Variants in MTUS1 observed in about 807,000 individuals in gnomAD.
MTUS1 encodes the protein microtubule-associated tumor suppressor 1.
A neutral mutation model predicts 120.8 loss-of-function variants in MTUS1; 109 were observed. The ratio of observed to expected loss-of-function variants is 0.90; its 90% CI spans 0.77 to 1.06. The LOEUF (loss-of-function observed/expected upper bound fraction) is 1.06, where lower values mean the gene tolerates loss of function less well. Ranked by LOEUF, MTUS1 falls within the 50% of genes least tolerant of loss-of-function variation. The pLI is 0.00. For missense variants in MTUS1, 2,210 were observed against 1,486.3 expected, an observed-to-expected ratio of 1.49 and a Z score of -8.01; for synonymous variants, 737 against 550.5, an observed-to-expected ratio of 1.34 and a Z score of -4.74.
chr8:17,683,140 C>T (rs1345390540), intron 7 of MTUS1, among the ~76,000 whole-genome samples: 7 of 152,050 alleles, frequency 4.6e-5, no homozygotes, highest in African/African-American at 9.7e-5. Flanking sequence ...GGCGTGGTGG[C>T]GGGTGCCTGC....
At chr8:17,649,293 G>C (rs1310694899) in intron 13 of MTUS1, among the ~76,000 whole-genome samples, 2 of 152,106 alleles carry the variant, frequency 1.3e-5, no homozygotes, top group African/African-American at 2.4e-5. Flanking sequence ...CTGACCTCAA[G>C]TGACCCACCC....
chr8:17,714,962 G>T (rs1019936411), intron 5 of MTUS1, among the ~76,000 whole-genome samples: 1 of 131,724 alleles, frequency 7.6e-6, no homozygotes, highest in Non-Finnish European at 1.5e-5. Flanking sequence ...CGGGAGTGCA[G>T]TGGCGCGATC....
intron 1 of MTUS1, among the ~76,000 whole-genome samples, chr8:17,790,744 C>T (rs1586430160): frequency 6.6e-6 from 1 of 152,090 alleles, no homozygotes; most frequent in Non-Finnish European, 1.5e-5. Context: ...CCCAGCACTT[C>T]GGGAGGCCAA....
intron 13 of MTUS1, among the ~76,000 whole-genome samples, chr8:17,647,808 C>A (rs1806146249): frequency 6.6e-6 from 1 of 152,182 alleles, no homozygotes; most frequent in African/African-American, 2.4e-5. Context: ...ATTCCATCCC[C>A]CACTCACTTT....
In MTUS1 at chr8:17,740,111, G is replaced by A. The variant is rs565256984; in HGVS notation, c.2287+3493C>T. 2.0e-5 allele frequency among the ~76,000 whole-genome samples: 3 copies of A among 152,200 alleles called. No homozygotes were observed. The South Asian group carries it at 6.2e-4, about 32-fold the overall frequency. On this transcript the variant is annotated intron_variant, in intron 3 of 14. Transcript: ENST00000693296. The stretch of plus-strand genomic sequence containing the variant: ...AAATCCCAGCTACTCAGGAGGCTGA[G>A]GCAGCAGAATCGCTTGAACCCAGGA...
chr8:17,697,578 T>C, intron 6 of MTUS1: 1 of 1,349,916 alleles, frequency 7.4e-7, no homozygotes, highest in East Asian at 2.8e-5. Flanking sequence ...GCTTCCGTTT[T>C]CACTTTCAGA....
intron 6 of MTUS1, among the ~76,000 whole-genome samples, chr8:17,707,822 A>C (rs950348729): frequency 1.3e-5 from 2 of 152,198 alleles, no homozygotes; most frequent in Admixed American, 6.5e-5. Flanking sequence ...ATAAACCCTC[A>C]CATTCTTAAC....
chr8:17,749,464 G>A (rs1041017299), intron 2 of MTUS1, among the ~76,000 whole-genome samples: 4 of 151,844 alleles, frequency 2.6e-5, no homozygotes, highest in African/African-American at 9.7e-5. Flanking sequence ...TTCGAGACCG[G>A]CCTGGCCAAC....
intron 6 of MTUS1, among the ~76,000 whole-genome samples, chr8:17,698,839 A>T (rs1818478038): frequency 6.6e-6 from 1 of 152,196 alleles, no homozygotes; most frequent in Non-Finnish European, 1.5e-5. Context: ...CCTAGTTCAT[A>T]CACTGACGAA....
rs61733707 is a variant in MTUS1, at chr8:17,655,890, C to T, written c.3081G>A (p.Glu1027=). The part of the protein sequence containing the change: ...KLRDTYIEEA[E]KYKMQLQEQF... ...GCTCTTGCAATTGCATTTTGTACTT[C>T]TCTGCTTCTTCAATGTAAGTGTCCC... Residue 1027 remains glutamate (E), a synonymous_variant, in exon 9 of 15, where the codon GAG becomes GAA. Coordinates refer to ENST00000693296, the MANE Select transcript of MTUS1 (RefSeq NM_001363059.2). 14,429 of 1,614,218 alleles carry T rather than the reference C, an allele frequency of 8.9e-3. 92 individuals are homozygous for T. Among genetic ancestry groups the T allele is most frequent in the Middle Eastern group, 0.022 (132 of 6,062 alleles).
At chr8:17,785,362 A>G (rs2051218831) in intron 1 of MTUS1, among the ~76,000 whole-genome samples, 1 of 152,218 alleles carries the variant, frequency 6.6e-6, no homozygotes, top group Non-Finnish European at 1.5e-5. Flanking sequence ...CCAGAAGAAG[A>G]TAAAGCTTGA....
intron 1 of MTUS1, among the ~76,000 whole-genome samples, chr8:17,796,466 C>T (rs754072962): frequency 3.9e-5 from 6 of 152,182 alleles, no homozygotes; most frequent in Non-Finnish European, 7.3e-5. Flanking sequence ...CGACCTTGTT[C>T]ACACTCTAAA....
chr8:17,768,610 T>A (rs893012840), intron 1 of MTUS1, among the ~76,000 whole-genome samples: 2 of 152,106 alleles, frequency 1.3e-5, no homozygotes, highest in African/African-American at 4.8e-5. Flanking sequence ...CACATGAGGT[T>A]TGTATTTAAA....
intron 6 of MTUS1, chr8:17,697,601 G>T (rs1818242620): frequency 7.6e-7 from 1 of 1,313,410 alleles, no homozygotes; most frequent in Non-Finnish European, 9.7e-7. Flanking sequence ...TTGCCAAAAT[G>T]ATGCTCTTCC....
intron 4 of MTUS1, among the ~76,000 whole-genome samples, chr8:17,720,623 C>CT (rs2045762492): frequency 6.6e-6 from 1 of 152,184 alleles, no homozygotes; most frequent in Admixed American, 6.5e-5. Flanking sequence ...TTGGACCTTA[C>CT]TTTCCTGCTA....
In MTUS1 at chr8:17,655,939, T is replaced by G; in HGVS notation, c.3032A>C (p.Tyr1011Ser). ...CCGAAGCTTTTCATACTCCCTGGTGTAAAACTCTTTAAGCCGATTCTCTCG... is the reference window on the plus strand; with the variant it reads ...CCGAAGCTTTTCATACTCCCTGGTGGAAAACTCTTTAAGCCGATTCTCTCG... ...TERENRLKEFYTREYEKLRDT... is the reference protein window; with the variant it reads ...TERENRLKEFSTREYEKLRDT... Residue 1011 changes from tyrosine (Y) to serine (S), a missense_variant, in exon 9 of 15, where the codon TAC becomes TCC. By Grantham distance (144) the Tyr-to-Ser change is moderately radical (BLOSUM62 -2). Transcript: ENST00000693296. 2 of 1,614,226 alleles carry G rather than the reference T, an allele frequency of 1.2e-6. No individual in the cohort carries two copies. Among genetic ancestry groups the G allele is most frequent in the Non-Finnish European group, 1.7e-6 (2 of 1,180,034 alleles).
In MTUS1 at chr8:17,723,710, G is replaced by T. The variant is rs765021402; in HGVS notation, c.2411C>A (p.Ala804Asp). The T allele has an allele frequency of 8.7e-6, 14 of 1,610,670 alleles. No homozygotes were observed. Among genetic ancestry groups the T allele is most frequent in the Non-Finnish European group, 1.2e-5 (14 of 1,177,724 alleles). Residue 804 changes from alanine (A) to aspartate (D), a missense_variant, in exon 4 of 15, where the codon GCC becomes GAC. Transcript: ENST00000693296. ...AGTGCTCAGCTCACTGTGGGTGCTG[G>T]CTATTGAGGGGGTGCTTCCTGTCCT... ...LRRTGSTPSI[A>D]STHSELSTYS...
intron 8 of MTUS1, among the ~76,000 whole-genome samples, chr8:17,662,652 C>T (rs1810009430): frequency 6.6e-6 from 1 of 151,944 alleles, no homozygotes; most frequent in Non-Finnish European, 1.5e-5. Context: ...CTGTGCCTGG[C>T]CTCTGTTGTT....
At chr8:17,710,110 T>A (rs1414796875) in intron 6 of MTUS1, among the ~76,000 whole-genome samples, 2 of 152,218 alleles carry the variant, frequency 1.3e-5, no homozygotes, top group African/African-American at 4.8e-5. Flanking sequence ...TGGAACATCT[T>A]GCCTCAATGT....
Sources: allele counts gnomAD v4.1 joint callset (sites outside exome capture counted in the v4.1 genomes callset), GRCh38; gene constraint gnomAD v4.1.1; transcripts MANE v1.5; gene names NCBI Gene and HGNC (gene_info 2026-07-23, HGNC 2026-07-21).